VNN1: variants seen among roughly 807,000 people sequenced by gnomAD.
VNN1 encodes vanin 1, also known as pantetheinase.
A neutral mutation model predicts 41.9 loss-of-function variants in VNN1; 29 were observed. The observed-to-expected ratio is 0.69, with a 90% CI of 0.52 to 0.94. The LOEUF is 0.94. Ranked by LOEUF, VNN1 falls within the 40% of genes least tolerant of loss-of-function variation. The probability of loss-of-function intolerance (pLI) is 0.00; values close to 1 mark genes in which losing one functional copy is unlikely to be tolerated. For synonymous variants in VNN1, 233 were observed against 224.4 expected (o/e 1.04, Z -0.34); for missense variants, 637 against 621.1 (o/e 1.03, Z -0.27).
chr6:132,699,857 A>C (rs1170246249), intron 2 of VNN1, among the ~76,000 whole-genome samples: 1 of 152,198 alleles, frequency 6.6e-6, no homozygotes, highest in East Asian at 1.9e-4. Context: ...AAAATATAAC[A>C]CCTCAATAGT....
At position 132,683,322 on chromosome 6, in the gene VNN1, C is replaced by G. The variant is rs754476421; in HGVS notation, c.1360G>C (p.Val454Leu). ...CTAAACAAGCGTCCGTCAGTTGACA[C>G]CTGATTAAAACAAAAAAGTAGGCAA... ...ENQLAPGEFQ[V>L]STDGRLFSLK... Residue 454 changes from valine (V) to leucine (L), a missense_variant and splice_region_variant, in exon 7 of 7, where the codon GTG (valine) becomes CTG (leucine). Physicochemically the swap from Val to Leu is conservative, Grantham distance 32 (BLOSUM62 1). Coordinates refer to ENST00000367928, the MANE Select transcript of VNN1 (RefSeq NM_004666.3). 3 of 1,609,960 alleles carry G rather than the reference C, an allele frequency of 1.9e-6. No homozygotes were observed. Among genetic ancestry groups the G allele is most frequent in the South Asian group, 2.2e-5 (2 of 89,920 alleles).
intron 2 of VNN1, among the ~76,000 whole-genome samples, chr6:132,706,575 C>T (rs1778522224): frequency 1.3e-5 from 2 of 152,134 alleles, no homozygotes; most frequent in Non-Finnish European, 2.9e-5. Context: ...TTTGGGGAAA[C>T]TCTCCAGGAC....
chr6:132,690,532 T>C (rs1040877804), intron 5 of VNN1, among the ~76,000 whole-genome samples: 1 of 152,222 alleles, frequency 6.6e-6, no homozygotes, highest in Non-Finnish European at 1.5e-5. Context: ...AGCTCTTTAG[T>C]ACTCCTCCAG....
intron 6 of VNN1, among the ~76,000 whole-genome samples, chr6:132,683,911 CTCT>C (rs911891916): frequency 6.6e-6 from 1 of 152,142 alleles, no homozygotes. Flanking sequence ...GTCAAATTCT[CTCT>C]TCTTCAGCTT....
intron 2 of VNN1, among the ~76,000 whole-genome samples, chr6:132,707,823 C>CA (rs1221649901): frequency 6.6e-6 from 1 of 151,602 alleles, no homozygotes; most frequent in African/African-American, 2.4e-5. Flanking sequence ...TTAATGGGTA[C>CA]AAAAAAATAG....
At chr6:132,704,671 C>A (rs889823107) in intron 2 of VNN1, among the ~76,000 whole-genome samples, 2 of 150,746 alleles carry the variant, frequency 1.3e-5, no homozygotes, top group African/African-American at 4.9e-5. Context: ...GAAGAGCAAA[C>A]CAAACCTGAA....
At position 132,693,315 on chromosome 6, in the gene VNN1, G is replaced by C; in HGVS notation, c.535C>G (p.Gln179Glu). 1.9e-6 allele frequency: 3 copies of C among 1,597,214 alleles called. No homozygotes were observed. Among genetic ancestry groups the C allele is most frequent in the Non-Finnish European group, 1.7e-6 (2 of 1,172,574 alleles). The stretch of plus-strand genomic sequence containing the variant: ...TGATTTTCACCCATGAAAAGGTTTT[G>C]CTGCAATAAACAGAAGATAAAGAGA... ...QGKLVARYHK[Q>E]NLFMGENQFN... Residue 179 changes from glutamine to glutamate, a missense_variant and splice_region_variant, in exon 4 of 7, where the codon CAA becomes GAA. Coordinates refer to ENST00000367928, the MANE Select transcript of VNN1 (RefSeq NM_004666.3).
intron 2 of VNN1, among the ~76,000 whole-genome samples, chr6:132,708,275 T>C (rs1778548238): frequency 6.6e-6 from 1 of 152,222 alleles, no homozygotes; most frequent in Non-Finnish European, 1.5e-5. Flanking sequence ...CCAGTTGTAA[T>C]GAGCAGCTCT....
At chr6:132,692,854 A>G (rs1778312285) in intron 4 of VNN1, among the ~76,000 whole-genome samples, 170 bp downstream of exon 4, 1 of 152,244 alleles carries the variant, frequency 6.6e-6, no homozygotes, top group Non-Finnish European at 1.5e-5. Flanking sequence ...TAAATCTACA[A>G]AACAATTTAG....
rs779570230 is a variant in VNN1, at chr6:132,683,270, A to G, written c.1412T>C (p.Leu471Ser). Residue 471 changes from leucine to serine, a missense_variant, in exon 7 of 7, where the codon TTA (leucine) becomes TCA (serine). Transcript: ENST00000367928. ...FSLKPTSGPV[L>S]TVTLFGRLYE... ...CAACCTCCCAAACAGAGTTACTGTT[A>G]AGACAGGTCCGGATGTTGGCTTCAG... is the stretch of plus-strand genomic sequence containing the variant. The G allele has an allele frequency of 1.4e-5, 23 of 1,613,992 alleles. No individual in the cohort carries two copies. Among genetic ancestry groups the G allele is most frequent in the Non-Finnish European group, 1.9e-5 (22 of 1,180,010 alleles).
intron 5 of VNN1, among the ~76,000 whole-genome samples, chr6:132,689,437 C>T (rs1311299503): frequency 1.3e-5 from 2 of 152,146 alleles, no homozygotes; most frequent in African/African-American, 2.4e-5. Flanking sequence ...GCCCATCATC[C>T]TATCATTATG....
chr6:132,709,565 G>A (rs943886759), intron 2 of VNN1, among the ~76,000 whole-genome samples: 8 of 151,994 alleles, frequency 5.3e-5, no homozygotes, highest in Admixed American at 3.9e-4. Flanking sequence ...TCGGGAGGCT[G>A]AGGCACAAGA....
chr6:132,698,748 A>T (rs1241341730), intron 2 of VNN1: 1 of 172,478 alleles, frequency 5.8e-6, no homozygotes, highest in Admixed American at 5.8e-5. Context: ...AGGCCCAAGA[A>T]GGGTGGTTAC....
intron 2 of VNN1, among the ~76,000 whole-genome samples, chr6:132,701,859 A>C (rs1037633373): frequency 2.6e-4 from 39 of 152,248 alleles, no homozygotes; most frequent in African/African-American, 9.2e-4. Context: ...AGGAAAGTAC[A>C]GTGATTGTGG....
chr6:132,696,858 C>T (rs888074447), intron 2 of VNN1, among the ~76,000 whole-genome samples: 2 of 151,970 alleles, frequency 1.3e-5, no homozygotes, highest in African/African-American at 2.4e-5. Flanking sequence ...AATCCTAGCA[C>T]TTTGCAAGAC....
chr6:132,692,080 T>A, intron 5 of VNN1, 143 bp downstream of exon 5: 1 of 967,458 alleles, frequency 1.0e-6, no homozygotes, highest in Non-Finnish European at 1.4e-6. Context: ...GAATTTCAAA[T>A]AAACAACAAA....
intron 2 of VNN1, among the ~76,000 whole-genome samples, chr6:132,699,826 T>C (rs1319183451): frequency 6.6e-6 from 1 of 152,216 alleles, no homozygotes; most frequent in Non-Finnish European, 1.5e-5. Context: ...CAGTTAATAT[T>C]TGAAGGCATT....
At chr6:132,699,118 T>C (rs954257260) in intron 2 of VNN1, 4 of 315,048 alleles carry the variant, frequency 1.3e-5, no homozygotes, top group African/African-American at 2.3e-5. Flanking sequence ...AGGAAAGGGA[T>C]GTCCCATTGG....
intron 2 of VNN1, among the ~76,000 whole-genome samples, chr6:132,701,833 T>C (rs978246663): frequency 5.9e-5 from 9 of 152,242 alleles, no homozygotes; most frequent in African/African-American, 1.9e-4. Context: ...GAGAGAAAAT[T>C]TGTGCCCTTG....
Sources: allele counts gnomAD v4.1 joint callset (sites outside exome capture counted in the v4.1 genomes callset), GRCh38; gene constraint gnomAD v4.1.1; transcripts MANE v1.5; gene names NCBI Gene and HGNC (gene_info 2026-07-23, HGNC 2026-07-21).